Variants in PXDNL observed in about 807,000 individuals in gnomAD.
The protein encoded by PXDNL is probable oxidoreductase PXDNL.
PXDNL carries 145 observed loss-of-function variants against 150.8 expected under a neutral mutation model. The observed-to-expected ratio is 0.96, with a 90% CI of 0.84 to 1.10. The LOEUF (loss-of-function observed/expected upper bound fraction) is 1.10, where lower values mean the gene tolerates loss of function less well. Among genes scored for constraint, PXDNL ranks in the 50% least tolerant of loss-of-function variants. The pLI, the probability that PXDNL is intolerant of heterozygous loss-of-function variation, is 0.00. For missense variants in PXDNL, 2,087 were observed against 1,873.9 expected, an observed-to-expected ratio of 1.11 and a Z score of -2.10; for synonymous variants, 757 against 725.7, an observed-to-expected ratio of 1.04 and a Z score of -0.69.
intron 21 of PXDNL, among the ~76,000 whole-genome samples, chr8:51,326,709 A>G (rs1224562533): frequency 6.6e-6 from 1 of 152,150 alleles, no homozygotes; most frequent in Non-Finnish European, 1.5e-5. Flanking sequence ...GCTGTGTCAA[A>G]GTAGATAATA....
intron 2 of PXDNL, among the ~76,000 whole-genome samples, chr8:51,645,492 A>T (rs1814899070): frequency 6.6e-6 from 1 of 152,178 alleles, no homozygotes. Context: ...TGGTAAAAAG[A>T]GACAGGGAGA....
chr8:51,322,865 A>C (rs536957978), intron 21 of PXDNL, among the ~76,000 whole-genome samples: 39 of 152,312 alleles, frequency 2.6e-4, no homozygotes, highest in African/African-American at 9.4e-4. Context: ...AGTGGCATCC[A>C]CCCATTCATT....
At chr8:51,630,876 T>A (rs1022675850) in intron 2 of PXDNL, among the ~76,000 whole-genome samples, 6 of 152,178 alleles carry the variant, frequency 3.9e-5, no homozygotes, top group African/African-American at 1.2e-4. Context: ...GTGTGGCTAT[T>A]TCTCAAAGAA....
intron 20 of PXDNL, among the ~76,000 whole-genome samples, chr8:51,340,666 C>T (rs961803564): frequency 6.6e-6 from 1 of 152,100 alleles, no homozygotes; most frequent in Admixed American, 6.5e-5. Context: ...TTACATTAAT[C>T]AGGGAATTTA....
At chr8:51,549,661 C>T (rs561309328) in intron 4 of PXDNL, among the ~76,000 whole-genome samples, 1 of 152,076 alleles carries the variant, frequency 6.6e-6, no homozygotes, top group Non-Finnish European at 1.5e-5. Flanking sequence ...CTTATCAAAA[C>T]CTCTGGGATA....
chr8:51,555,224 A>C lies in PXDNL; in HGVS notation c.380+1616T>G, dbSNP rs77196929. On this transcript the variant is annotated intron_variant, in intron 4 of 22. Coordinates refer to ENST00000356297, the MANE Select transcript of PXDNL (RefSeq NM_144651.5). Reference sequence around the variant, plus strand: ...AAGGGCAAGTGAGGGCAAGAGAGAGAGAGCAAGAAGAAACCAAGTTTGTCC... The same window carrying C: ...AAGGGCAAGTGAGGGCAAGAGAGAGCGAGCAAGAAGAAACCAAGTTTGTCC... Among the ~76,000 whole-genome samples the C allele has an allele frequency of 1.3e-3, 199 of 152,306 alleles. 2 individuals carry two copies. The East Asian group carries it at 0.036, about 27-fold the overall frequency.
intron 1 of PXDNL, among the ~76,000 whole-genome samples, chr8:51,699,670 A>G (rs1816210389): frequency 6.6e-6 from 1 of 152,198 alleles, no homozygotes; most frequent in East Asian, 1.9e-4. Flanking sequence ...CTCACTAAGC[A>G]TAATCATTTC....
chr8:51,730,151 GT>G (rs556215416), intron 1 of PXDNL, among the ~76,000 whole-genome samples: 49 of 152,216 alleles, frequency 3.2e-4, no homozygotes, highest in Admixed American at 1.5e-3. Context: ...GTCAATGTAG[GT>G]TCATCACTTG....
At chr8:51,359,600 T>G (rs1436458777) in intron 19 of PXDNL, among the ~76,000 whole-genome samples, 3 of 152,138 alleles carry the variant, frequency 2.0e-5, no homozygotes, top group Non-Finnish European at 2.9e-5. Flanking sequence ...ATATATACAG[T>G]AAATAAGGAA....
chr8:51,399,783 A>G (rs985605841), intron 17 of PXDNL, among the ~76,000 whole-genome samples: 8 of 152,202 alleles, frequency 5.3e-5, no homozygotes, highest in Non-Finnish European at 1.2e-4. Flanking sequence ...GATTTTGGGG[A>G]TTTAAAGACG....
In PXDNL at chr8:51,573,804, CTG is replaced by C. The variant is rs533926676; in HGVS notation, c.309-16895_309-16894del. 4.8e-4 allele frequency among the ~76,000 whole-genome samples: 73 copies of C among 152,070 alleles called. 3 individuals carry two copies. In the South Asian group the frequency reaches 0.014, roughly 29 times the overall value. On this transcript the variant is annotated intron_variant, in intron 3 of 22. Coordinates refer to ENST00000356297, the MANE Select transcript of PXDNL (RefSeq NM_144651.5). ...TTACCCCCAGTACCTCAGAATGTGA[CTG>C]TATTTGAAGATAAGACCTTTAAAGA... is the stretch of plus-strand genomic sequence containing the variant.
chr8:51,748,017 C>G (rs1302029629), intron 1 of PXDNL, among the ~76,000 whole-genome samples: 1 of 152,142 alleles, frequency 6.6e-6, no homozygotes, highest in Admixed American at 6.5e-5. Context: ...CTATAAGTAT[C>G]TGAGTGTGAG....
At chr8:51,470,358 A>G (rs1014599795) in intron 8 of PXDNL, among the ~76,000 whole-genome samples, 4 of 152,082 alleles carry the variant, frequency 2.6e-5, no homozygotes, top group African/African-American at 9.7e-5. Flanking sequence ...ACAATTATAA[A>G]TCCAAATTAC....
intron 1 of PXDNL, among the ~76,000 whole-genome samples, chr8:51,785,352 C>G (rs773304691): frequency 2.6e-5 from 4 of 152,072 alleles, no homozygotes; most frequent in Non-Finnish European, 5.9e-5. Context: ...TTTATTATTA[C>G]GATGATTCAT....
chr8:51,675,792 CAAAAAAAA>C (rs71550280), intron 1 of PXDNL, among the ~76,000 whole-genome samples: 8 of 93,250 alleles, frequency 8.6e-5, no homozygotes, highest in African/African-American at 3.5e-4. Flanking sequence ...GGCTCCGTCT[CAAAAAAAA>C]AAAAAAAAAA....
chr8:51,321,845 A>G (rs1429343935), intron 21 of PXDNL, among the ~76,000 whole-genome samples: 2 of 152,210 alleles, frequency 1.3e-5, no homozygotes, highest in Non-Finnish European at 2.9e-5. Context: ...GTTCTGCCTC[A>G]GGGAATGAGG....
At chr8:51,541,050 T>C (rs1175411378) in intron 4 of PXDNL, among the ~76,000 whole-genome samples, 3 of 152,090 alleles carry the variant, frequency 2.0e-5, no homozygotes, top group Admixed American at 6.5e-5. Flanking sequence ...ACAAGGTCAA[T>C]AGATCGAGAC....
intron 2 of PXDNL, among the ~76,000 whole-genome samples, chr8:51,634,100 A>G (rs1036132141): frequency 6.6e-6 from 1 of 152,024 alleles, no homozygotes; most frequent in African/African-American, 2.4e-5. Flanking sequence ...TAGGATTTTT[A>G]GAGTTTGTGA....
intron 14 of PXDNL, among the ~76,000 whole-genome samples, chr8:51,419,388 A>G (rs796213723): frequency 3.3e-5 from 5 of 152,292 alleles, no homozygotes; most frequent in African/African-American, 1.2e-4. Context: ...CTGTTGTACT[A>G]TTTTCATAAC....
Sources: allele counts gnomAD v4.1 joint callset (sites outside exome capture counted in the v4.1 genomes callset), GRCh38; gene constraint gnomAD v4.1.1; transcripts MANE v1.5; gene names NCBI Gene and HGNC (gene_info 2026-07-23, HGNC 2026-07-21).